BRINP3: variants seen among roughly 807,000 people sequenced by gnomAD.
The protein encoded by BRINP3 is BMP/retinoic acid inducible neural specific 3.
A neutral mutation model predicts 71.0 loss-of-function variants in BRINP3; 19 were observed. The observed-to-expected ratio is 0.27, with a 90% CI of 0.19 to 0.39. The LOEUF (loss-of-function observed/expected upper bound fraction) is 0.39, where lower values mean the gene tolerates loss of function less well. BRINP3 is among the 10% of genes least tolerant of loss of function. The pLI is 1.00. For missense variants in BRINP3, 959 were observed against 940.8 expected, an observed-to-expected ratio of 1.02 and a Z score of -0.25; for synonymous variants, 380 against 337.7, an observed-to-expected ratio of 1.13 and a Z score of -1.37.
intron 2 of BRINP3, among the ~76,000 whole-genome samples, chr1:190,330,083 T>C (rs1666866904): frequency 6.6e-6 from 1 of 152,044 alleles, no homozygotes; most frequent in Admixed American, 6.6e-5. Context: ...TGTTACAGAA[T>C]TTATGACTAT....
intron 2 of BRINP3, among the ~76,000 whole-genome samples, chr1:190,294,862 G>T (rs909331685): frequency 6.6e-6 from 1 of 151,830 alleles, no homozygotes; most frequent in Non-Finnish European, 1.5e-5. Flanking sequence ...TTTGTTGTAA[G>T]TCTTGCAAAC....
intron 1 of BRINP3, among the ~76,000 whole-genome samples, chr1:190,458,492 A>C (rs1046564320): frequency 6.6e-6 from 1 of 152,100 alleles, no homozygotes. Flanking sequence ...GAAGAGCTTC[A>C]TTACCTGGTT....
chr1:190,208,057 C>T (rs1655667191), intron 6 of BRINP3, among the ~76,000 whole-genome samples: 1 of 152,074 alleles, frequency 6.6e-6, no homozygotes, highest in Non-Finnish European at 1.5e-5. Flanking sequence ...AAGGGATATT[C>T]ACACCTTAGC....
At chr1:190,221,081 G>T (rs1656846573) in intron 6 of BRINP3, among the ~76,000 whole-genome samples, 1 of 152,124 alleles carries the variant, frequency 6.6e-6, no homozygotes, top group African/African-American at 2.4e-5. Context: ...AGTCGGGCAT[G>T]GTGGCAGATG....
intron 2 of BRINP3, among the ~76,000 whole-genome samples, chr1:190,292,444 A>G (rs1406305540): frequency 6.6e-6 from 1 of 152,134 alleles, no homozygotes; most frequent in Non-Finnish European, 1.5e-5. Context: ...GCTTGGGCCC[A>G]GGAGTTCGAG....
chr1:190,417,051 C>T (rs1673047855), intron 2 of BRINP3, among the ~76,000 whole-genome samples: 1 of 152,070 alleles, frequency 6.6e-6, no homozygotes, highest in East Asian at 1.9e-4. Context: ...AAGATGCTCC[C>T]CATGTTTCCT....
chr1:190,109,163 T>C (rs1438637801), intron 7 of BRINP3, among the ~76,000 whole-genome samples: 1 of 152,212 alleles, frequency 6.6e-6, no homozygotes, highest in Non-Finnish European at 1.5e-5. Context: ...TATTGTCTTT[T>C]GATATTAAAA....
intron 6 of BRINP3, among the ~76,000 whole-genome samples, chr1:190,162,744 T>A (rs183795465): frequency 1.3e-5 from 2 of 152,152 alleles, no homozygotes; most frequent in East Asian, 1.9e-4. Context: ...ATAAGGAGTA[T>A]CTTTAAATAC....
chr1:190,214,160 T>C (rs1656214412), intron 6 of BRINP3, among the ~76,000 whole-genome samples: 1 of 152,074 alleles, frequency 6.6e-6, no homozygotes, highest in Admixed American at 6.6e-5. Flanking sequence ...GCCTTCAAAA[T>C]TTCAGAACTG....
chr1:190,456,370 C>A (rs917231899), intron 1 of BRINP3, among the ~76,000 whole-genome samples: 1 of 152,174 alleles, frequency 6.6e-6, no homozygotes, highest in African/African-American at 2.4e-5. Flanking sequence ...GGGATTAAAG[C>A]GTACCGTCTT....
intron 6 of BRINP3, among the ~76,000 whole-genome samples, chr1:190,208,901 TA>T (rs377152744): frequency 4.6e-5 from 7 of 150,824 alleles, no homozygotes; most frequent in Admixed American, 1.3e-4. Context: ...ATCTTTAAAG[TA>T]AAAAAAAATA....
chr1:190,263,454 A>T (rs1370929044), intron 4 of BRINP3, among the ~76,000 whole-genome samples: 2 of 152,156 alleles, frequency 1.3e-5, no homozygotes, highest in Non-Finnish European at 2.9e-5. Flanking sequence ...TGTTTAAGTA[A>T]CCCTTAAGCT....
chr1:190,155,103 T>G (rs183178786), intron 7 of BRINP3, among the ~76,000 whole-genome samples: 3 of 152,144 alleles, frequency 2.0e-5, no homozygotes, highest in Non-Finnish European at 4.4e-5. Context: ...TATTGCCTAC[T>G]GAAATATGTC....
intron 6 of BRINP3, among the ~76,000 whole-genome samples, chr1:190,216,516 A>G (rs1417928363): frequency 6.6e-6 from 1 of 151,912 alleles, no homozygotes; most frequent in African/African-American, 2.4e-5. Flanking sequence ...AGGTTGCAAG[A>G]CATGAAAAGA....
At chr1:190,104,367 A>C (rs1651959937) in intron 7 of BRINP3, among the ~76,000 whole-genome samples, 1 of 152,126 alleles carries the variant, frequency 6.6e-6, no homozygotes, top group Non-Finnish European at 1.5e-5. Flanking sequence ...GCACAGTTGC[A>C]GGTAAAGCAT....
At chr1:190,429,986 C>T (rs1673987712) in intron 2 of BRINP3, among the ~76,000 whole-genome samples, 1 of 152,048 alleles carries the variant, frequency 6.6e-6, no homozygotes, top group African/African-American at 2.4e-5. Context: ...CATAACAAAA[C>T]ATAATCTTGT....
intron 2 of BRINP3, among the ~76,000 whole-genome samples, chr1:190,349,504 A>G (rs925399711): frequency 2.6e-5 from 4 of 152,110 alleles, no homozygotes; most frequent in Non-Finnish European, 5.9e-5. Flanking sequence ...TGGGTTGACA[A>G]TGTGCTTTCT....
At chr1:190,346,152 T>C (rs1024826727) in intron 2 of BRINP3, among the ~76,000 whole-genome samples, 2 of 151,914 alleles carry the variant, frequency 1.3e-5, no homozygotes, top group African/African-American at 4.8e-5. Context: ...CCATCAACTG[T>C]AGTAAAATGA....
chr1:190,175,033 T>C (rs1219168475), intron 6 of BRINP3, among the ~76,000 whole-genome samples: 1 of 152,094 alleles, frequency 6.6e-6, no homozygotes, highest in Admixed American at 6.6e-5. Flanking sequence ...AAGATATAAA[T>C]GATACTGCAT....
Sources: allele counts gnomAD v4.1 joint callset (sites outside exome capture counted in the v4.1 genomes callset), GRCh38; gene constraint gnomAD v4.1.1; transcripts MANE v1.5; gene names NCBI Gene and HGNC (gene_info 2026-07-23, HGNC 2026-07-21).